Variants in PKIB observed in about 807,000 individuals in gnomAD.
PKIB encodes PKI-beta.
A neutral mutation model predicts 4.5 loss-of-function variants in PKIB; 2 were observed. The observed-to-expected ratio is 0.44, with a 90% CI of 0.18 to 1.39. PKIB has a LOEUF of 1.39. PKIB is among the 40% of genes most tolerant of loss of function. The pLI is 0.27. For missense variants in PKIB, 94 were observed against 92.6 expected (o/e 1.02, Z -0.06); for synonymous variants, 38 against 36.0 (o/e 1.06, Z -0.20).
chr6:122,527,952 A>G (rs563531113), intron 2 of PKIB, among the ~76,000 whole-genome samples: 25 of 152,268 alleles, frequency 1.6e-4, no homozygotes, highest in African/African-American at 4.8e-4. Flanking sequence ...TGGTTATTCT[A>G]TTCACTATTG....
At chr6:122,540,063 TTCTC>T (rs980588340) in intron 2 of PKIB, among the ~76,000 whole-genome samples, 7 of 152,202 alleles carry the variant, frequency 4.6e-5, no homozygotes, top group Admixed American at 3.3e-4. Context: ...TATTTGATTC[TTCTC>T]TCTTTTATTC....
chr6:122,529,068 C>A (rs1309521758), intron 2 of PKIB, among the ~76,000 whole-genome samples: 3 of 152,078 alleles, frequency 2.0e-5, no homozygotes, highest in South Asian at 2.1e-4. Flanking sequence ...AAAGTAATTA[C>A]TGATGATAAA....
At chr6:122,498,858 T>C (rs779537932) in intron 2 of PKIB, among the ~76,000 whole-genome samples, 3 of 152,176 alleles carry the variant, frequency 2.0e-5, no homozygotes, top group African/African-American at 4.8e-5. Context: ...CAACTAAGCT[T>C]AATCAGAAAT....
At chr6:122,542,600 G>C (rs184466417) in intron 2 of PKIB, among the ~76,000 whole-genome samples, 1 of 151,996 alleles carries the variant, frequency 6.6e-6, no homozygotes, top group Non-Finnish European at 1.5e-5. Context: ...AGGAGTACCC[G>C]GCCGTGTGAG....
chr6:122,668,674 C>T (rs566370130), intron 2 of PKIB, among the ~76,000 whole-genome samples: 1 of 152,158 alleles, frequency 6.6e-6, no homozygotes, highest in East Asian at 1.9e-4. Context: ...GAAGAAGAAC[C>T]GTTGGAGGGC....
chr6:122,516,168 C>T (rs562864619), intron 2 of PKIB, among the ~76,000 whole-genome samples: 4 of 152,314 alleles, frequency 2.6e-5, no homozygotes, highest in African/African-American at 4.8e-5. Flanking sequence ...CACGTAACTA[C>T]TTGAGCAGAG....
chr6:122,472,541 T>A (rs894869291), intron 1 of PKIB, among the ~76,000 whole-genome samples: 21 of 152,208 alleles, frequency 1.4e-4, no homozygotes, highest in African/African-American at 4.6e-4. Context: ...TGCATTCCTA[T>A]AAAAGTTCCA....
At chr6:122,560,032 T>C (rs952195614) in intron 2 of PKIB, among the ~76,000 whole-genome samples, 1 of 152,200 alleles carries the variant, frequency 6.6e-6, no homozygotes, top group African/African-American at 2.4e-5. Context: ...ATGCCCTTTA[T>C]TTCTTTCTCT....
At chr6:122,492,342 G>A (rs1031880331) in intron 2 of PKIB, among the ~76,000 whole-genome samples, 84 of 152,210 alleles carry the variant, frequency 5.5e-4, no homozygotes, top group African/African-American at 1.9e-3. Flanking sequence ...TCAGGTTATA[G>A]GGAAGTCATG....
chr6:122,724,933 T>C (rs1779897764), intron 4 of PKIB, among the ~76,000 whole-genome samples, 195 bp from the exon 5 acceptor site: 1 of 152,076 alleles, frequency 6.6e-6, no homozygotes, highest in South Asian at 2.1e-4. Flanking sequence ...CATAACTCTG[T>C]AGAATAGGAG....
At chr6:122,487,515 G>A (rs533307575) in intron 2 of PKIB, among the ~76,000 whole-genome samples, 1 of 152,212 alleles carries the variant, frequency 6.6e-6, no homozygotes, top group African/African-American at 2.4e-5. Context: ...TTCATGATTG[G>A]GATTTATGCT....
intron 2 of PKIB, among the ~76,000 whole-genome samples, chr6:122,507,980 T>C (rs1453452480): frequency 6.6e-6 from 1 of 152,172 alleles, no homozygotes. Context: ...TATTTTTAAT[T>C]TTTTTAATTT....
At chr6:122,628,366 C>T (rs1358237187) in intron 1 of PKIB, among the ~76,000 whole-genome samples, 2 of 152,156 alleles carry the variant, frequency 1.3e-5, no homozygotes, top group Non-Finnish European at 2.9e-5. Flanking sequence ...ATTTATGAAA[C>T]ATTTGCCATG....
At chr6:122,553,871 C>T (rs1372947143) in intron 2 of PKIB, among the ~76,000 whole-genome samples, 1 of 152,138 alleles carries the variant, frequency 6.6e-6, no homozygotes, top group Non-Finnish European at 1.5e-5. Flanking sequence ...AATACGACTG[C>T]ACCACCCTGC....
chr6:122,572,647 T>A (rs1241435334), intron 2 of PKIB, among the ~76,000 whole-genome samples: 3 of 134,144 alleles, frequency 2.2e-5, no homozygotes, highest in African/African-American at 5.2e-5. Flanking sequence ...CTAAATGAAA[T>A]TGAAACAAAA....
chr6:122,572,397 T>C (rs1045913090), intron 2 of PKIB, among the ~76,000 whole-genome samples: 1 of 151,868 alleles, frequency 6.6e-6, no homozygotes, highest in African/African-American at 2.4e-5. Flanking sequence ...AATAATGAAA[T>C]TAAGATGGAA....
At chr6:122,581,828 G>A (rs1773713152) in intron 2 of PKIB, 1 of 152,030 alleles carries the variant, frequency 6.6e-6, no homozygotes, top group South Asian at 2.1e-4. Flanking sequence ...TTCACTGATT[G>A]AGCCATGAAG....
chr6:122,575,338 T>C (rs943698698), intron 2 of PKIB, among the ~76,000 whole-genome samples: 4 of 152,062 alleles, frequency 2.6e-5, no homozygotes, highest in African/African-American at 7.2e-5. Flanking sequence ...TGGAAAACAG[T>C]ATGGAGATTC....
chr6:122,720,702 G>A (rs1365276467), intron 4 of PKIB, among the ~76,000 whole-genome samples: 1 of 125,602 alleles, frequency 8.0e-6, no homozygotes, highest in Non-Finnish European at 1.6e-5. Context: ...GAATATTTGA[G>A]TGTATTTTTT....
Sources: allele counts gnomAD v4.1 joint callset (sites outside exome capture counted in the v4.1 genomes callset), GRCh38; gene constraint gnomAD v4.1.1; transcripts MANE v1.5; gene names NCBI Gene and HGNC (gene_info 2026-07-23, HGNC 2026-07-21).